The following LRRC4C variants were observed in gnomAD, a reference collection of about 807,000 sequenced individuals.
LRRC4C encodes leucine-rich repeat-containing protein 4C.
A neutral mutation model predicts 33.6 loss-of-function variants in LRRC4C; 5 were observed. The ratio of observed to expected loss-of-function variants is 0.15; its 90% CI spans 0.08 to 0.31. The LOEUF is 0.31. Among genes scored for constraint, LRRC4C ranks in the 10% least tolerant of loss-of-function variants. LRRC4C has a pLI of 1.00. For synonymous variants in LRRC4C, 329 were observed against 302.0 expected, an observed-to-expected ratio of 1.09 and a Z score of -0.93; for missense variants, 560 against 796.7, an observed-to-expected ratio of 0.70 and a Z score of 3.58.
chr11:40,547,301 A>G (rs1956962720), intron 3 of LRRC4C, among the ~76,000 whole-genome samples: 1 of 152,212 alleles, frequency 6.6e-6, no homozygotes, highest in Non-Finnish European at 1.5e-5. Flanking sequence ...TTTCTTTCTA[A>G]AATCATGGCA....
At chr11:41,140,561 G>T (rs1405213260) in intron 1 of LRRC4C, among the ~76,000 whole-genome samples, 1 of 152,128 alleles carries the variant, frequency 6.6e-6, no homozygotes, top group Non-Finnish European at 1.5e-5. Context: ...ACAAAATAGA[G>T]AATAGGCCCA....
chr11:40,340,225 C>T (rs1272074489), intron 3 of LRRC4C, among the ~76,000 whole-genome samples: 1 of 152,064 alleles, frequency 6.6e-6, no homozygotes, highest in African/African-American at 2.4e-5. Context: ...AAAACAAAAC[C>T]CCATAATGCA....
chr11:40,708,601 T>C (rs1341044257), intron 2 of LRRC4C, among the ~76,000 whole-genome samples: 2 of 152,214 alleles, frequency 1.3e-5, no homozygotes, highest in Non-Finnish European at 2.9e-5. Context: ...TTTCTGTTCT[T>C]TTACATTTGC....
intron 2 of LRRC4C, among the ~76,000 whole-genome samples, chr11:40,816,542 T>G (rs1008451995): frequency 1.3e-5 from 2 of 152,228 alleles, no homozygotes; most frequent in South Asian, 4.1e-4. Context: ...CACACCTTGA[T>G]TCATTTATAA....
intron 2 of LRRC4C, among the ~76,000 whole-genome samples, chr11:40,668,021 C>T (rs1943907373): frequency 4.6e-5 from 7 of 152,136 alleles, no homozygotes; most frequent in Admixed American, 4.6e-4. Context: ...TTTACAATAA[C>T]TCAAGTACTT....
chr11:41,119,023 A>G (rs1470204837), intron 1 of LRRC4C, among the ~76,000 whole-genome samples: 2 of 152,028 alleles, frequency 1.3e-5, no homozygotes, highest in African/African-American at 4.8e-5. Flanking sequence ...ACTATAGGTG[A>G]TTAACTCAAG....
chr11:41,291,612 A>G (rs1015564930), intron 1 of LRRC4C, among the ~76,000 whole-genome samples: 2 of 152,290 alleles, frequency 1.3e-5, no homozygotes, highest in Admixed American at 6.5e-5. Context: ...ATCAACATAC[A>G]TACTGGAAGA....
chr11:40,392,625 G>A (rs1949380577), intron 3 of LRRC4C, among the ~76,000 whole-genome samples: 1 of 151,920 alleles, frequency 6.6e-6, no homozygotes, highest in South Asian at 2.1e-4. Context: ...CTATCTGATA[G>A]CTGTCATCAC....
chr11:41,243,303 C>T (rs1304089694), intron 1 of LRRC4C, among the ~76,000 whole-genome samples: 1 of 152,170 alleles, frequency 6.6e-6, no homozygotes, highest in Admixed American at 6.5e-5. Flanking sequence ...CATCCATTAT[C>T]TTGTTTAACT....
chr11:40,594,808 A>G (rs1284228850), intron 3 of LRRC4C, among the ~76,000 whole-genome samples: 1 of 152,158 alleles, frequency 6.6e-6, no homozygotes, highest in African/African-American at 2.4e-5. Flanking sequence ...TCATTTTTCA[A>G]TATTAGTTTA....
intron 1 of LRRC4C, among the ~76,000 whole-genome samples, chr11:41,017,060 A>T (rs552759788): frequency 5.9e-5 from 9 of 152,316 alleles, no homozygotes; most frequent in African/African-American, 2.2e-4. Flanking sequence ...CTGAGACTGA[A>T]TTTGAAATCA....
chr11:41,255,739 A>AT (rs1260540654), intron 1 of LRRC4C, among the ~76,000 whole-genome samples: 1 of 152,134 alleles, frequency 6.6e-6, no homozygotes, highest in African/African-American at 2.4e-5. Context: ...ATGTAAAAAA[A>AT]AATTACCCTT....
intron 1 of LRRC4C, among the ~76,000 whole-genome samples, chr11:41,123,815 G>C (rs540832682): frequency 1.3e-5 from 2 of 152,178 alleles, no homozygotes; most frequent in African/African-American, 4.8e-5. Flanking sequence ...TCAATGCAGA[G>C]AAGAATAAGA....
intron 2 of LRRC4C, among the ~76,000 whole-genome samples, chr11:40,722,124 C>G (rs2136688602): frequency 6.6e-6 from 1 of 152,088 alleles, no homozygotes; most frequent in East Asian, 1.9e-4. Flanking sequence ...GCTTCTATTT[C>G]TAGGAAGTGT....
At chr11:40,272,298 T>A (rs529754366) in intron 4 of LRRC4C, among the ~76,000 whole-genome samples, 1 of 152,288 alleles carries the variant, frequency 6.6e-6, no homozygotes, top group East Asian at 1.9e-4. Flanking sequence ...AATCCAATTA[T>A]GTAGACTCAA....
intron 3 of LRRC4C, among the ~76,000 whole-genome samples, chr11:40,600,076 G>A (rs1253123918): frequency 6.6e-6 from 1 of 152,172 alleles, no homozygotes; most frequent in Non-Finnish European, 1.5e-5. Flanking sequence ...ATTTGCATGA[G>A]CTCTAACTCT....
chr11:40,297,905 A>T (rs1944590549), intron 4 of LRRC4C, among the ~76,000 whole-genome samples: 1 of 152,198 alleles, frequency 6.6e-6, no homozygotes, highest in African/African-American at 2.4e-5. Context: ...TTGTGGTTAT[A>T]ATACATATTT....
At chr11:40,644,949 T>G (rs941020627) in intron 3 of LRRC4C, among the ~76,000 whole-genome samples, 4 of 151,856 alleles carry the variant, frequency 2.6e-5, no homozygotes, top group African/African-American at 9.7e-5. Context: ...TCTCTGTGTT[T>G]TTTTTTTTTA....
At chr11:41,073,188 A>G (rs1243553824) in intron 1 of LRRC4C, among the ~76,000 whole-genome samples, 1 of 152,194 alleles carries the variant, frequency 6.6e-6, no homozygotes, top group Non-Finnish European at 1.5e-5. Flanking sequence ...CATTTGGTTC[A>G]GAGTTATGGT....
Sources: gnomAD v4.1 joint callset for allele counts (sites outside exome capture counted in the v4.1 genomes callset) on GRCh38, gnomAD v4.1.1 for gene constraint, MANE v1.5 for transcripts, NCBI Gene and HGNC (gene_info 2026-07-23, HGNC 2026-07-21) for gene names.